The following SPTA1 variants were observed in gnomAD, a reference collection of about 807,000 sequenced individuals.
SPTA1 encodes spectrin alpha chain, erythrocytic 1.
Under a neutral mutation model 324.7 loss-of-function variants are expected in SPTA1, and 177 were observed. That is an observed-to-expected ratio of 0.55 (90% CI 0.48 to 0.62). The LOEUF is 0.62. Among genes scored for constraint, SPTA1 ranks in the 20% least tolerant of loss-of-function variants. The pLI is 0.00. For synonymous variants in SPTA1, 1,195 were observed against 1,041.3 expected, an observed-to-expected ratio of 1.15 and a Z score of -2.84; for missense variants, 3,162 against 2,883.6, an observed-to-expected ratio of 1.10 and a Z score of -2.21.
intron 16 of SPTA1, 130 bp from the exon 17 acceptor site, chr1:158,663,075 A>T: frequency 7.7e-7 from 1 of 1,300,764 alleles, no homozygotes; most frequent in Non-Finnish European, 1.1e-6. Context: ...TCTCTAATTA[A>T]ATCAGTGAAA....
intron 48 of SPTA1, 28 bp downstream of exon 48, chr1:158,615,187 TC>T (rs1649479307): frequency 6.2e-7 from 1 of 1,612,278 alleles, no homozygotes; most frequent in African/African-American, 1.3e-5. Context: ...CCTGCATCCC[TC>T]CCTGCTCTGG....
chr1:158,641,525 A>G (rs1348483184), intron 33 of SPTA1, among the ~76,000 whole-genome samples: 1 of 152,232 alleles, frequency 6.6e-6, no homozygotes. Context: ...TTCTCAAAAG[A>G]AGACATTTAT....
At chr1:158,613,696 G>T (rs748466676) in intron 50 of SPTA1, 25 bp downstream of exon 50, 3 of 1,613,410 alleles carry the variant, frequency 1.9e-6, no homozygotes, top group Admixed American at 1.7e-5. Flanking sequence ...CCCTGCTGCG[G>T]TCTGACCCTT....
chr1:158,645,174 G>A lies in SPTA1; in HGVS notation c.4194+14C>T. 2 of 1,613,646 alleles carry A rather than the reference G, an allele frequency of 1.2e-6. No homozygotes were observed. Among genetic ancestry groups the A allele is most frequent in the Non-Finnish European group, 1.7e-6 (2 of 1,179,692 alleles). ...ACTACTGAACCTGCTTAACAATTGG[G>A]AAATTTGCTGTACCTGCAACTCCAG... On this transcript the variant is annotated intron_variant, in intron 29 of 51. Transcript: ENST00000643759.
At chr1:158,624,097 T>C (rs1031986696) in intron 42 of SPTA1, among the ~76,000 whole-genome samples, 6 of 139,402 alleles carry the variant, frequency 4.3e-5, no homozygotes, top group African/African-American at 1.7e-4. Context: ...TTTCAGAGGA[T>C]GTATGGAAAC....
At chr1:158,673,761 A>G (rs1284114796) in intron 10 of SPTA1, among the ~76,000 whole-genome samples, 2 of 152,176 alleles carry the variant, frequency 1.3e-5, no homozygotes, top group Admixed American at 6.6e-5. Flanking sequence ...CAAATTAGGT[A>G]GAAGTCAGAG....
At chr1:158,651,297 T>C (rs1018646094) in intron 24 of SPTA1, 70 bp downstream of exon 24, 6 of 954,086 alleles carry the variant, frequency 6.3e-6, no homozygotes, top group Middle Eastern at 2.1e-4. Flanking sequence ...TAAAGTTCCA[T>C]GTTGAAGTGA....
intron 47 of SPTA1, among the ~76,000 whole-genome samples, chr1:158,617,087 G>C (rs778010892): frequency 6.6e-6 from 1 of 151,622 alleles, no homozygotes; most frequent in African/African-American, 2.4e-5. Context: ...CCATTACTTC[G>C]CTCAGTTGTC....
intron 25 of SPTA1, among the ~76,000 whole-genome samples, chr1:158,649,231 T>G (rs1557957027): frequency 6.6e-6 from 1 of 152,150 alleles, no homozygotes; most frequent in Non-Finnish European, 1.5e-5. Context: ...AGCTTCTAGT[T>G]GAGAAATGTA....
Position 158,671,441 on chromosome 1 carries a change from T to C in SPTA1, c.1501A>G (p.Asn501Asp). 1 of 1,612,878 alleles carries C rather than the reference T, an allele frequency of 6.2e-7. No homozygotes were observed. The highest frequency in any genetic ancestry group is 8.5e-7 in the Non-Finnish European group (1 of 1,179,872). The change falls in exon 12 of 52, where the codon AAC becomes GAC. Residue 501 changes from asparagine (N) to aspartate (D), a missense_variant. Physicochemically the swap from Asn to Asp is conservative, Grantham distance 23. Coordinates refer to ENST00000643759, the MANE Select transcript of SPTA1 (RefSeq NM_003126.4). Reference protein sequence around the residue: ...WMSRQEAFLENEDLGNSLGSA... With the variant: ...WMSRQEAFLEDEDLGNSLGSA... ...CCCAGTGAGTTTCCCAGATCCTCGT[T>C]TTCCAGGAAGGCCTGTAGAAGACAG...
At position 158,669,753 on chromosome 1, in the gene SPTA1, C is replaced by A; in HGVS notation, c.1633G>T (p.Asp545Tyr). Residue 545 changes from aspartate (D) to tyrosine (Y), a missense_variant, in exon 13 of 52, where the codon GAT (aspartate) becomes TAT (tyrosine). Physicochemically the swap from Asp to Tyr is radical, Grantham distance 160. Transcript: ENST00000643759. ...VDKTATKLIGDDHYDSENIKA... is the reference protein window; with the variant it reads ...VDKTATKLIGYDHYDSENIKA... ...ATGTTCTCTGAATCATAATGGTCATCACCAATCAATTTGGTTGCAGTCTTG... is the reference window on the plus strand; with the variant it reads ...ATGTTCTCTGAATCATAATGGTCATAACCAATCAATTTGGTTGCAGTCTTG... 5.6e-6 allele frequency: 9 copies of A among 1,614,056 alleles called. No individual in the cohort carries two copies. Among genetic ancestry groups the A allele is most frequent in the Non-Finnish European group, 6.8e-6 (8 of 1,179,962 alleles).
intron 42 of SPTA1, among the ~76,000 whole-genome samples, chr1:158,623,755 T>A (rs890985119): frequency 6.6e-6 from 1 of 152,226 alleles, no homozygotes; most frequent in Non-Finnish European, 1.5e-5. Context: ...GTCTTGGGTA[T>A]GTCTTTATTA....
At chr1:158,668,618 A>G (rs972191122) in intron 14 of SPTA1, among the ~76,000 whole-genome samples, 11 of 152,234 alleles carry the variant, frequency 7.2e-5, no homozygotes, top group Admixed American at 7.2e-4. Context: ...ATACCGGCCT[A>G]GAAATCAAAA....
At chr1:158,656,881 A>C (rs1391676726) in intron 19 of SPTA1, among the ~76,000 whole-genome samples, 1 of 152,242 alleles carries the variant, frequency 6.6e-6, no homozygotes, top group Non-Finnish European at 1.5e-5. Context: ...TCAAACTTGC[A>C]AAAGTATTTT....
intron 17 of SPTA1, among the ~76,000 whole-genome samples, chr1:158,661,681 G>A (rs1023338265): frequency 3.9e-5 from 6 of 152,164 alleles, no homozygotes; most frequent in African/African-American, 1.4e-4. Flanking sequence ...ATGAAGGCAA[G>A]TAACTTCTTA....
intron 18 of SPTA1, among the ~76,000 whole-genome samples, chr1:158,658,916 G>A (rs984378045): frequency 5.9e-5 from 9 of 152,070 alleles, no homozygotes; most frequent in African/African-American, 2.2e-4. Context: ...TTTCAAAAAG[G>A]AAGGTAGAAT....
chr1:158,677,861 C>A (rs1162736261), intron 6 of SPTA1, 27 bp from the exon 7 acceptor site: 1 of 1,613,138 alleles, frequency 6.2e-7, no homozygotes, highest in African/African-American at 1.3e-5. Flanking sequence ...GAGCTCCAAC[C>A]AAAGAAGATA....
In SPTA1 at chr1:158,638,137, G is replaced by C; in HGVS notation, c.5085C>G (p.Phe1695Leu). ...VKKKDNVNKR[F>L]LNVQELAAAH... ...CAGCTGCCAATTCTTGGACATTCAG[G>C]AAACGCTTGTTGACATTATCTTTTT... The change falls in exon 36 of 52, where the codon TTC becomes TTG. Residue 1695 changes from phenylalanine to leucine, a missense_variant. Transcript: ENST00000643759. 4 of 1,614,048 alleles carry C rather than the reference G, an allele frequency of 2.5e-6. No individual in the cohort carries two copies. Among genetic ancestry groups the C allele is most frequent in the Non-Finnish European group, 3.4e-6 (4 of 1,179,992 alleles).
intron 44 of SPTA1, 47 bp from the exon 45 acceptor site, chr1:158,619,381 C>G: frequency 6.3e-7 from 1 of 1,584,590 alleles, no homozygotes; most frequent in South Asian, 1.1e-5. Context: ...GAAGGCCTTT[C>G]TTTGCCATAA....
Sources: gnomAD v4.1 joint callset for allele counts (sites outside exome capture counted in the v4.1 genomes callset) on GRCh38, gnomAD v4.1.1 for gene constraint, MANE v1.5 for transcripts, NCBI Gene and HGNC (gene_info 2026-07-23, HGNC 2026-07-21) for gene names.